SLC25A40: variants seen among roughly 807,000 people sequenced by gnomAD.
SLC25A40 encodes solute carrier family 25 member 40.
In SLC25A40, 41 loss-of-function variants were observed where a neutral mutation model predicts 46.5. That is an observed-to-expected ratio of 0.88 (90% CI 0.69 to 1.14). The LOEUF (loss-of-function observed/expected upper bound fraction) is 1.14, where lower values mean the gene tolerates loss of function less well. SLC25A40 is among the 50% of genes most tolerant of loss of function. The pLI is 0.00. For synonymous variants in SLC25A40, 126 were observed against 127.5 expected, an observed-to-expected ratio of 0.99 and a Z score of 0.08; for missense variants, 386 against 393.6, an observed-to-expected ratio of 0.98 and a Z score of 0.16.
chr7:87,838,374 A>C (rs1838285994), intron 10 of SLC25A40, among the ~76,000 whole-genome samples: 1 of 151,442 alleles, frequency 6.6e-6, no homozygotes, highest in Admixed American at 6.6e-5. Context: ...GAGAATGATA[A>C]AAAGAGTATC....
At chr7:87,845,370 A>G (rs1466517370) in intron 8 of SLC25A40, among the ~76,000 whole-genome samples, 1 of 152,110 alleles carries the variant, frequency 6.6e-6, no homozygotes, top group Admixed American at 6.6e-5. Flanking sequence ...CGGGTGAGTG[A>G]GCATTACCGC....
At chr7:87,850,427 G>A (rs1838489971) in intron 5 of SLC25A40, among the ~76,000 whole-genome samples, 1 of 152,068 alleles carries the variant, frequency 6.6e-6, no homozygotes, top group Non-Finnish European at 1.5e-5. Context: ...AATTGGCTAA[G>A]GATTTGAATA....
Position 87,849,920 on chromosome 7 carries a change from T to C in SLC25A40, c.293A>G (p.Glu98Gly), listed in dbSNP as rs1388170545. Residue 98 changes from glutamate (E) to glycine (G), a missense_variant, in exon 6 of 12, where the codon GAG becomes GGG. Transcript: ENST00000341119. Reference sequence around the variant, plus strand: ...GCCACTCCATAGAGATTTAATGCCCTCATTTCGAATGATTTTAAAAAATGC... The same window carrying C: ...GCCACTCCATAGAGATTTAATGCCCCCATTTCGAATGATTTTAAAAAATGC... ...LDAFFKIIRN[E>G]GIKSLWSGLP... 1.9e-6 allele frequency: 3 copies of C among 1,600,710 alleles called. No homozygotes were observed. Among genetic ancestry groups the C allele is most frequent in the South Asian group, 2.3e-5 (2 of 87,444 alleles).
intron 3 of SLC25A40, among the ~76,000 whole-genome samples, chr7:87,856,998 G>A (rs1838624709): frequency 6.6e-6 from 1 of 152,082 alleles, no homozygotes; most frequent in Non-Finnish European, 1.5e-5. Context: ...ATTCTGACCT[G>A]AAAATACATC....
At chr7:87,867,935 G>A (rs762660099) in intron 1 of SLC25A40, among the ~76,000 whole-genome samples, 18 of 152,224 alleles carry the variant, frequency 1.2e-4, no homozygotes, top group Admixed American at 9.2e-4. Flanking sequence ...TTCTGCCTAG[G>A]GGACCTGTGG....
intron 5 of SLC25A40, among the ~76,000 whole-genome samples, chr7:87,853,296 T>A (rs1201253811): frequency 6.6e-6 from 1 of 152,168 alleles, no homozygotes; most frequent in East Asian, 1.9e-4. Flanking sequence ...ACATATATCA[T>A]AACTGGTAAA....
chr7:87,870,808 T>G (rs1470806643), intron 1 of SLC25A40, among the ~76,000 whole-genome samples: 1 of 152,158 alleles, frequency 6.6e-6, no homozygotes, highest in African/African-American at 2.4e-5. Context: ...TGAGAGCCAC[T>G]TTCATCAGCA....
intron 7 of SLC25A40, 24 bp from the exon 8 acceptor site, chr7:87,847,146 AG>A: frequency 1.3e-6 from 2 of 1,549,702 alleles, no homozygotes; most frequent in East Asian, 2.3e-5. Flanking sequence ...GTTAAAAAAA[AG>A]AAAACAAAAA....
At chr7:87,851,974 T>C (rs764372525) in intron 5 of SLC25A40, among the ~76,000 whole-genome samples, 1 of 152,202 alleles carries the variant, frequency 6.6e-6, no homozygotes. Context: ...TACTCTCTAA[T>C]TGCATTATAA....
chr7:87,863,019 A>AT (rs1186263002), intron 1 of SLC25A40, among the ~76,000 whole-genome samples: 1 of 152,166 alleles, frequency 6.6e-6, no homozygotes, highest in East Asian at 1.9e-4. Context: ...GCCAAACTGT[A>AT]TCACCTTCCC....
intron 1 of SLC25A40, among the ~76,000 whole-genome samples, chr7:87,872,404 AAAAAC>A: frequency 6.6e-6 from 1 of 152,220 alleles, no homozygotes; most frequent in Non-Finnish European, 1.5e-5. Flanking sequence ...TTGAAAGCTG[AAAAAC>A]AATAGGAAAA....
Position 87,843,925 on chromosome 7 carries a change from G to C in SLC25A40, c.632-62C>G, listed in dbSNP as rs1562742601. 4.8e-6 allele frequency: 7 copies of C among 1,447,378 alleles called. No individual in the cohort carries two copies. In the Admixed American group the frequency reaches 8.9e-5, roughly 18 times the overall value. 89.7% of individuals were successfully genotyped at this position (1,447,378 alleles called of 1,614,324 possible). A position where few individuals can be genotyped will look rare whatever the true frequency, so the allele number is the denominator to read the frequency against. On this transcript the variant is annotated intron_variant, in intron 8 of 11. Transcript: ENST00000341119. ...AAATAAAATGTGGACTTTAATAAAA[G>C]AGTTATGAGGTTATATATTCAGGGG...
At chr7:87,867,431 A>G (rs902638036) in intron 1 of SLC25A40, among the ~76,000 whole-genome samples, 2 of 152,076 alleles carry the variant, frequency 1.3e-5, no homozygotes, top group Admixed American at 6.5e-5. Context: ...TGAGTTCCAG[A>G]TTTCATTTTT....
At chr7:87,859,808 T>C (rs1838670629) in intron 2 of SLC25A40, among the ~76,000 whole-genome samples, 1 of 152,208 alleles carries the variant, frequency 6.6e-6, no homozygotes, top group Non-Finnish European at 1.5e-5. Flanking sequence ...AATATTCTGC[T>C]ATAACATTCT....
intron 8 of SLC25A40, among the ~76,000 whole-genome samples, chr7:87,846,358 T>C (rs1838420517): frequency 6.6e-6 from 1 of 152,152 alleles, no homozygotes. Context: ...TTTTGGGTCT[T>C]AAAAACTTCT....
At chr7:87,855,099 C>T (rs1178323162) in intron 4 of SLC25A40, among the ~76,000 whole-genome samples, 1 of 148,698 alleles carries the variant, frequency 6.7e-6, no homozygotes, top group Non-Finnish European at 1.5e-5. Flanking sequence ...GAGGTCAAGG[C>T]TGCAGTGAGC....
intron 1 of SLC25A40, among the ~76,000 whole-genome samples, chr7:87,862,951 C>T (rs1292533546): frequency 2.6e-5 from 4 of 152,102 alleles, no homozygotes; most frequent in African/African-American, 9.7e-5. Flanking sequence ...AGGTCTCTCC[C>T]ACAATATGTG....
At chr7:87,873,846 G>A (rs1838931454) in intron 1 of SLC25A40, among the ~76,000 whole-genome samples, 1 of 152,130 alleles carries the variant, frequency 6.6e-6, no homozygotes. Flanking sequence ...TCATGATTCT[G>A]CTCAATGTTC....
At chr7:87,868,223 A>G (rs562668451) in intron 1 of SLC25A40, among the ~76,000 whole-genome samples, 22 of 152,220 alleles carry the variant, frequency 1.4e-4, no homozygotes, top group Non-Finnish European at 2.8e-4. Context: ...CATGAATTAA[A>G]GGGAACTATT....
Sources: gnomAD v4.1 joint callset for allele counts (sites outside exome capture counted in the v4.1 genomes callset) on GRCh38, gnomAD v4.1.1 for gene constraint, MANE v1.5 for transcripts, NCBI Gene and HGNC (gene_info 2026-07-23, HGNC 2026-07-21) for gene names.